Variants in TRIP13 observed in about 807,000 individuals in gnomAD.
TRIP13 encodes the protein thyroid hormone receptor interactor 13, also known as pachytene checkpoint protein 2 homolog.
Under a neutral mutation model 54.4 loss-of-function variants are expected in TRIP13, and 25 were observed. The observed-to-expected ratio is 0.46, with a 90% CI of 0.33 to 0.64. TRIP13 has a LOEUF of 0.64. Among genes scored for constraint, TRIP13 ranks in the 30% least tolerant of loss-of-function variants. TRIP13 has a pLI of 0.02. For missense variants in TRIP13, 373 were observed against 534.2 expected (o/e 0.70, Z 2.97); for synonymous variants, 207 against 207.8 (o/e 1.00, Z 0.03).
At chr5:916,870 C>T (rs1239521952) in intron 12 of TRIP13, 138 bp from the exon 13 acceptor site, 4 of 621,974 alleles carry the variant, frequency 6.4e-6, no homozygotes, top group Non-Finnish European at 5.4e-6. Context: ...GTGTGTGGTG[C>T]GCACTCACTG....
At chr5:903,447 A>G (rs1045154010) in intron 5 of TRIP13, among the ~76,000 whole-genome samples, 2 of 152,162 alleles carry the variant, frequency 1.3e-5, no homozygotes, top group African/African-American at 4.8e-5. Context: ...CAAATTAATG[A>G]TTAATATTCA....
chr5:909,910 G>A (rs572689830), intron 9 of TRIP13, among the ~76,000 whole-genome samples: 49 of 152,350 alleles, frequency 3.2e-4, no homozygotes, highest in African/African-American at 1.2e-3. Flanking sequence ...GGTGTCCCTT[G>A]CCCTCATTCT....
rs1410251217 is a variant in TRIP13, at chr5:892,961, C to T, written c.-38C>T. The T allele has an allele frequency of 3.4e-6, 5 of 1,458,396 alleles. No homozygotes were observed. In the African/African-American group the frequency reaches 4.5e-5, roughly 13 times the overall value. 90.3% of individuals were successfully genotyped at this position (1,458,396 alleles called of 1,614,324 possible). A position where few individuals can be genotyped will look rare whatever the true frequency, so the allele number is the denominator to read the frequency against. On this transcript the variant is annotated 5_prime_UTR_variant, in exon 1 of 13. Coordinates refer to ENST00000166345, the MANE Select transcript of TRIP13 (RefSeq NM_004237.4). ...ACGCTGGGCGTGAGGTGGCGGCGGC[C>T]GCGCCCTGGTTGGGTCCCCACTGCT...
At chr5:900,282 T>TG (rs1225182373) in intron 3 of TRIP13, among the ~76,000 whole-genome samples, 8 of 152,240 alleles carry the variant, frequency 5.3e-5, no homozygotes, top group African/African-American at 1.9e-4. Flanking sequence ...AGAAGTTACA[T>TG]GTGACTGGCA....
chr5:914,917 G>C (rs538761571), intron 11 of TRIP13, among the ~76,000 whole-genome samples: 1 of 152,182 alleles, frequency 6.6e-6, no homozygotes, highest in Admixed American at 6.5e-5. Context: ...GGGTGGAAGG[G>C]AAGGTAGGAA....
Position 908,474 on chromosome 5 carries a change from T to TA in TRIP13, c.866+13_866+14insA, listed in dbSNP as rs1560948429. ...ATCAGATTAAAAGGTAACCAGGACA[T>TA]GCAGCAATTTTCCCTGAGAAGTGAT... On this transcript the variant is annotated intron_variant, in intron 9 of 12. Coordinates refer to ENST00000166345, the MANE Select transcript of TRIP13 (RefSeq NM_004237.4). This position sits in a 1 kb window ranked among gnomAD's most constrained non-coding sequence, Gnocchi z 5.2. The TA allele has an allele frequency of 6.2e-7, 1 of 1,613,228 alleles. No individual in the cohort carries two copies. Among genetic ancestry groups the TA allele is most frequent in the Admixed American group, 1.7e-5 (1 of 60,022 alleles).
intron 1 of TRIP13, among the ~76,000 whole-genome samples, 155 bp from the exon 2 acceptor site, chr5:894,632 G>A (rs1354597324): frequency 6.6e-6 from 1 of 152,214 alleles, no homozygotes; most frequent in Non-Finnish European, 1.5e-5. Context: ...CAGGCAAGGG[G>A]TGGCTCTAGA....
chr5:893,284 A>C (rs977161848), intron 1 of TRIP13, among the ~76,000 whole-genome samples, 194 bp downstream of exon 1: 2 of 152,012 alleles, frequency 1.3e-5, no homozygotes, highest in South Asian at 4.1e-4. Flanking sequence ...ACCCCACCGC[A>C]GGGCACTGAC....
Position 915,040 on chromosome 5 carries a change from G to A in TRIP13, c.1133+463G>A, listed in dbSNP as rs1316675152. Among the ~76,000 whole-genome samples the A allele has an allele frequency of 6.6e-6, 1 of 152,176 alleles. No homozygotes were observed. The highest frequency in any genetic ancestry group is 1.5e-5 in the Non-Finnish European group (1 of 68,036). ...CTAGTGGGTTGCAGTGTGGAGGCTGGGGAGGTGCCGGAGAGGCGGGGGGTG... is the reference window on the plus strand; with the variant it reads ...CTAGTGGGTTGCAGTGTGGAGGCTGAGGAGGTGCCGGAGAGGCGGGGGGTG... On this transcript the variant is annotated intron_variant, in intron 11 of 12. Coordinates refer to ENST00000166345, the MANE Select transcript of TRIP13 (RefSeq NM_004237.4). The surrounding 1 kb of genome is among the most constrained non-coding windows in gnomAD (Gnocchi z 4.2).
At position 917,588 on chromosome 5, in the gene TRIP13, T is replaced by C. The variant is rs1475519903; in HGVS notation, c.*485T>C. 6.6e-6 allele frequency: 1 copy of C among 152,628 alleles called. No homozygotes were observed. Among genetic ancestry groups the C allele is most frequent in the Non-Finnish European group, 1.5e-5 (1 of 68,364 alleles). 9.5% of individuals were successfully genotyped at this position (152,628 alleles called of 1,614,324 possible). A position where few individuals can be genotyped will look rare whatever the true frequency, so the allele number is the denominator to read the frequency against. On this transcript the variant is annotated 3_prime_UTR_variant, in exon 13 of 13. Transcript: ENST00000166345. ...CTTTCTGATATCAGCTCGTTTGATT[T>C]AGTGCAAAAATGTTTTCAAGACTAT...
At chr5:900,150 A>G (rs1375293529) in intron 3 of TRIP13, among the ~76,000 whole-genome samples, 4 of 152,268 alleles carry the variant, frequency 2.6e-5, no homozygotes, top group East Asian at 1.9e-4. Context: ...TTATACGTCA[A>G]TGGAAAATAA....
chr5:903,906 G>C (rs1327977126), intron 5 of TRIP13, among the ~76,000 whole-genome samples: 1 of 152,172 alleles, frequency 6.6e-6, no homozygotes, highest in Non-Finnish European at 1.5e-5. Flanking sequence ...TGGGGGTGGG[G>C]AGGCGATGGA....
At chr5:904,715 C>T (rs1417999232) in intron 6 of TRIP13, among the ~76,000 whole-genome samples, 4 of 151,388 alleles carry the variant, frequency 2.6e-5, no homozygotes, top group East Asian at 1.9e-4. Flanking sequence ...ATGTTTTATT[C>T]GAAAGTTTCT....
In TRIP13 at chr5:896,531, A is replaced by G. The variant is rs550510809; in HGVS notation, c.259-134A>G. Reference sequence around the variant, plus strand: ...TCTGAAATAAAATAATAGCCTTCTCATCTAATCTGAGAACTAGCTTTGATT... The same window carrying G: ...TCTGAAATAAAATAATAGCCTTCTCGTCTAATCTGAGAACTAGCTTTGATT... On this transcript the variant is annotated intron_variant, in intron 2 of 12. Coordinates refer to ENST00000166345, the MANE Select transcript of TRIP13 (RefSeq NM_004237.4). The G allele has an allele frequency of 1.6e-5, 15 of 915,692 alleles. No individual in the cohort carries two copies. In the African/African-American group the frequency reaches 2.1e-4, roughly 13 times the overall value. 56.7% of individuals were successfully genotyped at this position (915,692 alleles called of 1,614,324 possible).
At chr5:916,114 G>A in intron 12 of TRIP13, 141 bp downstream of exon 12, 1 of 849,310 alleles carries the variant, frequency 1.2e-6, no homozygotes. Flanking sequence ...CGGAGGAGGA[G>A]CTGACCTTGG....
chr5:893,837 AG>A (rs1287856391), intron 1 of TRIP13: 1 of 153,354 alleles, frequency 6.5e-6, no homozygotes, highest in South Asian at 2.0e-4. Flanking sequence ...TAATTGCACC[AG>A]GGCCCAGAGA....
Position 901,221 on chromosome 5 carries a change from C to A in TRIP13, c.445-120C>A. The A allele has an allele frequency of 5.4e-6, 4 of 743,232 alleles. 1 individual carries two copies. Among genetic ancestry groups the A allele is most frequent in the East Asian group, 5.5e-5 (2 of 36,460 alleles). 46.0% of individuals were successfully genotyped at this position (743,232 alleles called of 1,614,324 possible). A position where few individuals can be genotyped will look rare whatever the true frequency, so the allele number is the denominator to read the frequency against. ...TTGGAGGTGATGATCTCTTAGGAGGCGGCCTCGCTCCCTGTGCTCCCTCTT... is the reference window on the plus strand; with the variant it reads ...TTGGAGGTGATGATCTCTTAGGAGGAGGCCTCGCTCCCTGTGCTCCCTCTT... On this transcript the variant is annotated intron_variant, in intron 4 of 12. Transcript: ENST00000166345.
Position 894,826 on chromosome 5 carries a change from G to C in TRIP13, c.132G>C (p.Lys44Asn). The part of the protein sequence containing the change: ...KKEDINLSVR[K>N]LLNRHNIVFG... ...AAGACATAAACCTGAGTGTTAGAAA[G>C]CTACTCAACAGACATAATATTGTGT... The change falls in exon 2 of 13, where the codon AAG (lysine) becomes AAC (asparagine). Residue 44 changes from lysine (K) to asparagine (N), a missense_variant. This residue lies in a region of TRIP13 where 151 missense variants were observed against 151.9 expected (regional missense o/e 0.99). Coordinates refer to ENST00000166345, the MANE Select transcript of TRIP13 (RefSeq NM_004237.4). The C allele has an allele frequency of 6.2e-7, 1 of 1,612,186 alleles. No individual in the cohort carries two copies. The highest frequency in any genetic ancestry group is 8.5e-7 in the Non-Finnish European group (1 of 1,179,428).
chr5:912,062 T>A lies in TRIP13; in HGVS notation c.1020+66T>A. ...CTTATATGTTCTTAATTAATTAAGA[T>A]AGCTTAAAATAAGCTCGTTCCAGTA... is the stretch of plus-strand genomic sequence containing the variant. On this transcript the variant is annotated intron_variant, in intron 10 of 12. Coordinates refer to ENST00000166345, the MANE Select transcript of TRIP13 (RefSeq NM_004237.4). This position sits in a 1 kb window ranked among gnomAD's most constrained non-coding sequence, Gnocchi z 7.2. The A allele has an allele frequency of 6.5e-7, 1 of 1,536,108 alleles. No homozygotes were observed. The highest frequency in any genetic ancestry group is 8.8e-7 in the Non-Finnish European group (1 of 1,138,828).
Sources: gnomAD v4.1 joint callset for allele counts (sites outside exome capture counted in the v4.1 genomes callset) on GRCh38, gnomAD v4.1.1 for gene constraint, gnomAD v4.1.1 regional missense constraint, Gnocchi (gnomAD v3.1) non-coding constraint, MANE v1.5 for transcripts, NCBI Gene and HGNC (gene_info 2026-07-23, HGNC 2026-07-21) for gene names.